Variants in SART3 observed in about 807,000 individuals in gnomAD.
SART3 encodes HIV-1 Tat-interacting protein of 110kDa.
Under a neutral mutation model 122.3 loss-of-function variants are expected in SART3, and 44 were observed. The ratio of observed to expected loss-of-function variants is 0.36; its 90% CI spans 0.28 to 0.46. The LOEUF (loss-of-function observed/expected upper bound fraction) is 0.46, where lower values mean the gene tolerates loss of function less well. SART3 is among the 20% of genes least tolerant of loss of function. The pLI is 1.00. For missense variants in SART3, 1,101 were observed against 1,229.0 expected, an observed-to-expected ratio of 0.90 and a Z score of 1.56; for synonymous variants, 442 against 454.0, an observed-to-expected ratio of 0.97 and a Z score of 0.34.
intron 6 of SART3, among the ~76,000 whole-genome samples, chr12:108,539,823 G>A (rs1041221641): frequency 6.6e-5 from 10 of 152,102 alleles, no homozygotes; most frequent in Admixed American, 4.6e-4. Context: ...TTCCAGTAAC[G>A]AGGAAGAATT....
In SART3 at chr12:108,545,161, C is replaced by T. The variant is rs761307530; in HGVS notation, c.707G>A (p.Ser236Asn). Residue 236 changes from serine to asparagine, a missense_variant, in exon 4 of 19, where the codon AGT (serine) becomes AAT (asparagine). By Grantham distance (46) the Ser-to-Asn change is conservative. Coordinates refer to ENST00000546815, the MANE Select transcript of SART3 (RefSeq NM_014706.4). The part of the protein sequence containing the change: ...ALWEAYREFE[S>N]AIVEAARLEK... ...CACCCGAGCAGCTTCCACAATCGCA[C>T]TTTCAAACTCTCGGTAAGCCTCCCA... is the stretch of plus-strand genomic sequence containing the variant. The T allele has an allele frequency of 1.2e-6, 2 of 1,614,122 alleles. No homozygotes were observed. The highest frequency in any genetic ancestry group is 1.7e-5 in the Admixed American group (1 of 60,014).
rs1056954253 is a variant in SART3 at position 108,534,403 on chromosome 12, G to C, written c.1556+956C>G. Among the ~76,000 whole-genome samples, 15 of 152,100 alleles carry C rather than the reference G, an allele frequency of 9.9e-5. 1 individual carries two copies. The highest frequency in any genetic ancestry group is 9.8e-4 in the Admixed American group (15 of 15,286). On this transcript the variant is annotated intron_variant, in intron 12 of 18. Coordinates refer to ENST00000546815, the MANE Select transcript of SART3 (RefSeq NM_014706.4). ...GGATTGTAAGAAACTGTCACGTTTAGCCGGATATGGTGGCTCATGCCTGTA... is the reference window on the plus strand; with the variant it reads ...GGATTGTAAGAAACTGTCACGTTTACCCGGATATGGTGGCTCATGCCTGTA...
chr12:108,560,570 A>G lies in SART3; in HGVS notation c.312+273T>C, dbSNP rs141423478. The G allele has an allele frequency of 3.1e-3, 1,421 of 462,708 alleles. 11 individuals are homozygous for G. Among genetic ancestry groups the G allele is most frequent in the African/African-American group, 0.026 (1,291 of 50,020 alleles). 28.7% of individuals were successfully genotyped at this position (462,708 alleles called of 1,614,324 possible). A position where few individuals can be genotyped will look rare whatever the true frequency, so the allele number is the denominator to read the frequency against. On this transcript the variant is annotated intron_variant, in intron 1 of 18. Transcript: ENST00000546815. ...CAGGAAGTGTTATCTTGAGCAAGAA[A>G]CTTTCCTCCACGAGCCTCAGTTTCC...
intron 15 of SART3, among the ~76,000 whole-genome samples, chr12:108,528,747 T>C (rs1593233843): frequency 6.6e-6 from 1 of 152,208 alleles, no homozygotes; most frequent in South Asian, 2.1e-4. Flanking sequence ...GCACAGGAAG[T>C]TGATTACATA....
chr12:108,523,581 G>T lies in SART3; in HGVS notation c.2768C>A (p.Pro923Gln). The change falls in exon 19 of 19, where the codon CCA (proline) becomes CAA (glutamine). Residue 923 changes from proline (P) to glutamine (Q), a missense_variant. Physicochemically the swap from Pro to Gln is moderately conservative, Grantham distance 76. Transcript: ENST00000546815. ...CTCAGCCTGAGGAGCTGCAGCACTT[G>T]GGCGCTGCAGGGCACGAGGCAGTAG... ...LSLLPRALQR[P>Q]SAAAPQAENG... 6.2e-7 allele frequency: 1 copy of T among 1,614,056 alleles called. No individual in the cohort carries two copies. The highest frequency in any genetic ancestry group is 8.5e-7 in the Non-Finnish European group (1 of 1,179,918).
intron 1 of SART3, among the ~76,000 whole-genome samples, chr12:108,553,616 T>G (rs942675374): frequency 2.6e-5 from 4 of 152,108 alleles, no homozygotes; most frequent in African/African-American, 9.7e-5. Flanking sequence ...TCTGACAACA[T>G]ACCCTAATAA....
intron 1 of SART3, among the ~76,000 whole-genome samples, chr12:108,551,669 T>G (rs1017544263): frequency 6.6e-6 from 1 of 152,182 alleles, no homozygotes; most frequent in African/African-American, 2.4e-5. Context: ...TTTTCTCAAG[T>G]ACTTACGGAA....
At chr12:108,553,459 A>G (rs1377175758) in intron 1 of SART3, among the ~76,000 whole-genome samples, 1 of 152,234 alleles carries the variant, frequency 6.6e-6, no homozygotes, top group African/African-American at 2.4e-5. Context: ...TTGTTTAAAA[A>G]GCTTTTGTTG....
At position 108,526,344 on chromosome 12, in the gene SART3, T is replaced by C; in HGVS notation, c.2125A>G (p.Ser709Gly). 1 of 1,614,084 alleles carries C rather than the reference T, an allele frequency of 6.2e-7. No homozygotes were observed. The highest frequency in any genetic ancestry group is 8.5e-7 in the Non-Finnish European group (1 of 1,179,910). Residue 709 changes from serine to glycine, a missense_variant, in exon 16 of 19, where the codon AGC becomes GGC. Coordinates refer to ENST00000546815, the MANE Select transcript of SART3 (RefSeq NM_014706.4). ...SSKDSITVFVSNLPYSMQEPD... is the reference protein window; with the variant it reads ...SSKDSITVFVGNLPYSMQEPD... ...TCCTGCATGCTGTAGGGCAGGTTGCTGACAAAGACGGTGATGCTGTCCTTG... is the reference window on the plus strand; with the variant it reads ...TCCTGCATGCTGTAGGGCAGGTTGCCGACAAAGACGGTGATGCTGTCCTTG...
At chr12:108,560,512 C>G in intron 1 of SART3, 1 of 401,984 alleles carries the variant, frequency 2.5e-6, no homozygotes, top group Admixed American at 4.4e-5. Flanking sequence ...AGTGGGAGTT[C>G]TGGAATGGGA....
At chr12:108,539,181 G>C in intron 6 of SART3, 92 bp from the exon 7 acceptor site, 1 of 1,347,672 alleles carries the variant, frequency 7.4e-7, no homozygotes, top group Non-Finnish European at 1.0e-6. Context: ...ACTGGCTACA[G>C]TAACTATGAA....
At chr12:108,551,232 A>G (rs1485575015) in intron 1 of SART3, among the ~76,000 whole-genome samples, 1 of 152,222 alleles carries the variant, frequency 6.6e-6, no homozygotes, top group African/African-American at 2.4e-5. Context: ...GAAAATTACT[A>G]GAGATAAAAA....
chr12:108,529,167 T>C (rs1047825722), intron 15 of SART3, among the ~76,000 whole-genome samples: 16 of 152,172 alleles, frequency 1.1e-4, no homozygotes, highest in African/African-American at 3.6e-4. Context: ...GAGAAGGGCA[T>C]TGCAAGTGTG....
rs1388438714 is a variant in SART3, at chr12:108,522,631, A to C, written c.*826T>G. 1.3e-5 allele frequency: 2 copies of C among 152,246 alleles called. No individual in the cohort carries two copies. The highest frequency in any genetic ancestry group is 2.9e-5 in the Non-Finnish European group (2 of 68,036). 9.4% of individuals were successfully genotyped at this position (152,246 alleles called of 1,614,324 possible). Reference sequence around the variant, plus strand: ...CTATTAGGTAAAGCAAGGTACACCCACTTCAAAACACATCTGTATGTGAAT... The same window carrying C: ...CTATTAGGTAAAGCAAGGTACACCCCCTTCAAAACACATCTGTATGTGAAT... On this transcript the variant is annotated 3_prime_UTR_variant, in exon 19 of 19. Transcript: ENST00000546815.
At chr12:108,546,149 G>C (rs950489472) in intron 3 of SART3, among the ~76,000 whole-genome samples, 4 of 152,090 alleles carry the variant, frequency 2.6e-5, no homozygotes. Context: ...CTCACAGGGG[G>C]ACTGCTCCCA....
intron 5 of SART3, 122 bp downstream of exon 5, chr12:108,544,305 A>T (rs1177470332): frequency 1.1e-6 from 1 of 869,590 alleles, no homozygotes; most frequent in Non-Finnish European, 2.0e-6. Flanking sequence ...ATATCCAAGG[A>T]GAGTAAGAAC....
intron 5 of SART3, among the ~76,000 whole-genome samples, chr12:108,543,460 A>G (rs2136682142): frequency 6.6e-6 from 1 of 152,152 alleles, no homozygotes; most frequent in Non-Finnish European, 1.5e-5. Flanking sequence ...CAGTCATCCC[A>G]CTCTACAAGG....
At chr12:108,558,593 C>A (rs1424060627) in intron 1 of SART3, among the ~76,000 whole-genome samples, 1 of 152,190 alleles carries the variant, frequency 6.6e-6, no homozygotes, top group Non-Finnish European at 1.5e-5. Flanking sequence ...CTTTCCCCAC[C>A]TCACAGAATA....
intron 12 of SART3, among the ~76,000 whole-genome samples, chr12:108,534,179 T>C (rs968657481): frequency 6.6e-6 from 1 of 152,240 alleles, no homozygotes; most frequent in Non-Finnish European, 1.5e-5. Context: ...TAATTTGTTA[T>C]ATTTAAATAA....
Sources: gnomAD v4.1 joint callset for allele counts (sites outside exome capture counted in the v4.1 genomes callset) on GRCh38, gnomAD v4.1.1 for gene constraint, MANE v1.5 for transcripts, NCBI Gene and HGNC (gene_info 2026-07-23, HGNC 2026-07-21) for gene names.